RBAK: variants seen among roughly 807,000 people sequenced by gnomAD.
RBAK encodes the protein RB associated KRAB zinc finger, also known as RB-associated KRAB zinc finger protein.
Under a neutral mutation model 65.8 loss-of-function variants are expected in RBAK, and 39 were observed. The ratio of observed to expected loss-of-function variants is 0.59; its 90% CI spans 0.46 to 0.77. The LOEUF is 0.77. RBAK is among the 30% of genes least tolerant of loss of function. The pLI is 0.00. For synonymous variants in RBAK, 343 were observed against 289.7 expected (o/e 1.18, Z -1.87); for missense variants, 884 against 855.1 (o/e 1.03, Z -0.42).
In RBAK at chr7:5,057,398, A is replaced by G. The variant is rs375554654; in HGVS notation, c.119A>G (p.Asn40Ser). ...ACTTACAGGGATGTGATGTTGGAGA[A>G]CTATAGCCATCTAGTTTCTGTGGGT... ...KITYRDVMLE[N>S]YSHLVSVGYD... The change falls in exon 3 of 5, where the codon AAC becomes AGC. Residue 40 changes from asparagine to serine, a missense_variant. Coordinates refer to ENST00000396912, the MANE Select transcript of RBAK (RefSeq NM_021163.4). 5 of 1,614,004 alleles carry G rather than the reference A, an allele frequency of 3.1e-6. No homozygotes were observed. Among genetic ancestry groups the G allele is most frequent in the Non-Finnish European group, 4.2e-6 (5 of 1,180,006 alleles).
At position 5,067,694 on chromosome 7, in the gene RBAK, T is replaced by C. The variant is rs926988810; in HGVS notation, c.*2093T>C. 6 of 152,092 alleles carry C rather than the reference T, an allele frequency of 3.9e-5. No individual in the cohort carries two copies. Among genetic ancestry groups the C allele is most frequent in the Non-Finnish European group, 7.4e-5 (5 of 68,012 alleles). 9.4% of individuals were successfully genotyped at this position (152,092 alleles called of 1,614,324 possible). On this transcript the variant is annotated 3_prime_UTR_variant, in exon 5 of 5. Transcript: ENST00000396912. ...AATATCAAGACCTGTTATAAAGCCA[T>C]AGAAATAATGAAGGTGTTAATTTGG...
intron 2 of RBAK, 139 bp from the exon 3 acceptor site, chr7:5,057,156 A>G (rs1778938590): frequency 7.7e-7 from 1 of 1,300,078 alleles, no homozygotes. Flanking sequence ...TGTGTTTCCA[A>G]TATGATTTCC....
chr7:5,055,305 G>GTA (rs1031432806), intron 2 of RBAK, among the ~76,000 whole-genome samples: 2 of 151,168 alleles, frequency 1.3e-5, no homozygotes, highest in South Asian at 2.1e-4. Flanking sequence ...CACACAAACT[G>GTA]TATATATATG....
chr7:5,047,492 A>G (rs1383296754), intron 1 of RBAK, among the ~76,000 whole-genome samples: 2 of 152,136 alleles, frequency 1.3e-5, no homozygotes, highest in Non-Finnish European at 2.9e-5. Context: ...GACTATTTGT[A>G]AAAGGAGTCA....
At position 5,067,967 on chromosome 7, in the gene RBAK, T is replaced by C. The variant is rs903876983; in HGVS notation, c.*2366T>C. On this transcript the variant is annotated 3_prime_UTR_variant, in exon 5 of 5. Transcript: ENST00000396912. ...GAAATCTTAGGACAGTTTGTAATCTTGGAGTAAGCAAAGGTTTATTGAGAC... is the reference window on the plus strand; with the variant it reads ...GAAATCTTAGGACAGTTTGTAATCTCGGAGTAAGCAAAGGTTTATTGAGAC... 2.0e-5 allele frequency: 3 copies of C among 152,220 alleles called. No individual in the cohort carries two copies. Among genetic ancestry groups the C allele is most frequent in the African/African-American group, 7.2e-5 (3 of 41,452 alleles). 9.4% of individuals were successfully genotyped at this position (152,220 alleles called of 1,614,324 possible).
chr7:5,067,987 T>C lies in RBAK; in HGVS notation c.*2386T>C, dbSNP rs1302785400. ...AATCTTGGAGTAAGCAAAGGTTTAT[T>C]GAGACCCAAAAAGCATTAACCCATA... is the stretch of plus-strand genomic sequence containing the variant. On this transcript the variant is annotated 3_prime_UTR_variant, in exon 5 of 5. Transcript: ENST00000396912. The C allele has an allele frequency of 1.3e-5, 2 of 152,216 alleles. No homozygotes were observed. Among genetic ancestry groups the C allele is most frequent in the Non-Finnish European group, 2.9e-5 (2 of 68,032 alleles). 9.4% of individuals were successfully genotyped at this position (152,216 alleles called of 1,614,324 possible). A position where few individuals can be genotyped will look rare whatever the true frequency, so the allele number is the denominator to read the frequency against.
intron 2 of RBAK, among the ~76,000 whole-genome samples, chr7:5,055,353 A>G (rs920962481): frequency 5.3e-5 from 8 of 152,160 alleles, no homozygotes; most frequent in African/African-American, 1.7e-4. Flanking sequence ...TCACATATAT[A>G]TCATACATAC....
At position 5,050,840 on chromosome 7, in the gene RBAK, G is replaced by A. The variant is rs534043569; in HGVS notation, c.15+2749G>A. On this transcript the variant is annotated intron_variant, in intron 2 of 4. Transcript: ENST00000396912. ...CCTCTTCTTTGACCTCCCAGTGTTG[G>A]CATTACAGGCATGAGTCACCACAGC... is the stretch of plus-strand genomic sequence containing the variant. 3.3e-5 allele frequency among the ~76,000 whole-genome samples: 5 copies of A among 152,216 alleles called. No individual in the cohort carries two copies. The South Asian group carries it at 1.0e-3, about 32-fold the overall frequency.
At chr7:5,062,931 G>C (rs183157018) in intron 4 of RBAK, among the ~76,000 whole-genome samples, 6 of 152,260 alleles carry the variant, frequency 3.9e-5, no homozygotes, top group African/African-American at 1.4e-4. Flanking sequence ...CTGTTTTCCT[G>C]TTCTTTTTTC....
At position 5,048,754 on chromosome 7, in the gene RBAK, C is replaced by T. The variant is rs1788050177; in HGVS notation, c.15+663C>T. Reference sequence around the variant, plus strand: ...GGTTTAATTGGCTCACGCCTGCAGGCTCTATCATAGGAAGCATGGCTGGGG... The same window carrying T: ...GGTTTAATTGGCTCACGCCTGCAGGTTCTATCATAGGAAGCATGGCTGGGG... On this transcript the variant is annotated intron_variant, in intron 2 of 4. Coordinates refer to ENST00000396912, the MANE Select transcript of RBAK (RefSeq NM_021163.4). This position sits in a 1 kb window ranked among gnomAD's most constrained non-coding sequence, Gnocchi z 4.4. 6.6e-6 allele frequency among the ~76,000 whole-genome samples: 1 copy of T among 151,956 alleles called. No homozygotes were observed. The highest frequency in any genetic ancestry group is 1.5e-5 in the Non-Finnish European group (1 of 67,998).
chr7:5,064,251 A>G lies in RBAK; in HGVS notation c.795A>G (p.Glu265=), dbSNP rs752702942. 17 of 1,614,056 alleles carry G rather than the reference A, an allele frequency of 1.1e-5. No individual in the cohort carries two copies. In the East Asian group the frequency reaches 3.3e-4, roughly 32 times the overall value. Residue 265 remains glutamate, a synonymous_variant, in exon 5 of 5, where the codon GAA becomes GAG. Transcript: ENST00000396912. This position sits in a 1 kb window ranked among gnomAD's most constrained non-coding sequence, Gnocchi z 6.3. ...QMEMKPFECS[E]CGKSFCKKSK... ...AAATGAAGCCCTTTGAATGCAGTGA[A>G]TGTGGAAAATCCTTCTGTAAAAAGT... is the stretch of plus-strand genomic sequence containing the variant.
chr7:5,060,855 G>T (rs927953144), intron 4 of RBAK, among the ~76,000 whole-genome samples: 2 of 152,188 alleles, frequency 1.3e-5, no homozygotes, highest in African/African-American at 4.8e-5. Flanking sequence ...TCTGAGCAGA[G>T]TACCATCAGG....
chr7:5,057,650 CT>C (rs1562536649), intron 3 of RBAK, 33 bp from the exon 4 acceptor site: 1 of 1,612,714 alleles, frequency 6.2e-7, no homozygotes. Context: ...AGCCAAGCAG[CT>C]TCCCCAAGTC....
intron 2 of RBAK, among the ~76,000 whole-genome samples, chr7:5,049,794 A>G (rs2115025900): frequency 6.6e-6 from 1 of 151,756 alleles, no homozygotes; most frequent in African/African-American, 2.4e-5. Context: ...CGTGATCACA[A>G]CTCACTGCAA....
At chr7:5,059,391 G>A (rs1340703840) in intron 4 of RBAK, among the ~76,000 whole-genome samples, 1 of 151,516 alleles carries the variant, frequency 6.6e-6, no homozygotes, top group African/African-American at 2.4e-5. Flanking sequence ...CATGATCTCG[G>A]CTCACTGCAG....
rs754366722 is a variant in RBAK, at chr7:5,064,969, C to A, written c.1513C>A (p.His505Asn). 6.2e-7 allele frequency: 1 copy of A among 1,614,008 alleles called. No homozygotes were observed. The highest frequency in any genetic ancestry group is 8.5e-7 in the Non-Finnish European group (1 of 1,179,990). The change falls in exon 5 of 5, where the codon CAT (histidine) becomes AAT (asparagine). Residue 505 changes from histidine to asparagine, a missense_variant. By Grantham distance (68) the His-to-Asn change is moderately conservative. Transcript: ENST00000396912. This position sits in a 1 kb window ranked among gnomAD's most constrained non-coding sequence, Gnocchi z 6.3. ...GTATCTCACCGACCATCATACAGCT[C>A]ATTTAGAAGAGAAACCCTATGAATG... Reference protein sequence around the residue: ...QLYLTDHHTAHLEEKPYECNE... With the variant: ...QLYLTDHHTANLEEKPYECNE...
chr7:5,050,256 TGAA>T (rs1562533137), intron 2 of RBAK, among the ~76,000 whole-genome samples: 1 of 152,248 alleles, frequency 6.6e-6, no homozygotes, highest in Admixed American at 6.5e-5. Flanking sequence ...CTCATTGTTT[TGAA>T]GAAACTGGGT....
At chr7:5,059,331 C>T (rs1393950874) in intron 4 of RBAK, among the ~76,000 whole-genome samples, 1 of 151,944 alleles carries the variant, frequency 6.6e-6, no homozygotes, top group East Asian at 1.9e-4. Flanking sequence ...TTCCTTCCTT[C>T]CATTTTGAGA....
chr7:5,056,104 C>CTTTTTT (rs887932671), intron 2 of RBAK, among the ~76,000 whole-genome samples: 13 of 107,904 alleles, frequency 1.2e-4, no homozygotes, highest in East Asian at 2.7e-4. Context: ...TTGCATTTTT[C>CTTTTTT]TTTTTTTTTT....
Sources: gnomAD v4.1 joint callset for allele counts (sites outside exome capture counted in the v4.1 genomes callset) on GRCh38, gnomAD v4.1.1 for gene constraint, Gnocchi (gnomAD v3.1) non-coding constraint, MANE v1.5 for transcripts, NCBI Gene and HGNC (gene_info 2026-07-23, HGNC 2026-07-21) for gene names.